GLI2: variants seen among roughly 807,000 people sequenced by gnomAD.
The protein encoded by GLI2 is transcription activator GLI2.
GLI2 carries 22 observed loss-of-function variants against 78.9 expected under a neutral mutation model. The observed-to-expected ratio is 0.28, with a 90% CI of 0.20 to 0.40. GLI2 has a LOEUF of 0.40. GLI2 is among the 10% of genes least tolerant of loss of function. The pLI, the probability that GLI2 is intolerant of heterozygous loss-of-function variation, is 1.00. For missense variants in GLI2, 2,097 were observed against 2,213.2 expected (o/e 0.95, Z 1.05); for synonymous variants, 974 against 963.7 (o/e 1.01, Z -0.20).
In GLI2 at chr2:120,968,475, A is replaced by T. The variant is rs534166800; in HGVS notation, c.644-239A>T. Reference sequence around the variant, plus strand: ...TCAGTGCTCATATTCACTCGCCCAAACACCTTACATGCACTTCTCCAGTCC... The same window carrying T: ...TCAGTGCTCATATTCACTCGCCCAATCACCTTACATGCACTTCTCCAGTCC... On this transcript the variant is annotated intron_variant, in intron 5 of 13. Transcript: ENST00000361492. 5.3e-5 allele frequency among the ~76,000 whole-genome samples: 8 copies of T among 152,288 alleles called. No homozygotes were observed. In the South Asian group the frequency reaches 1.7e-3, roughly 32 times the overall value.
At position 120,916,582 on chromosome 2, in the gene GLI2, C is replaced by T. The variant is rs1679110389; in HGVS notation, c.149-10779C>T. Reference sequence around the variant, plus strand: ...GCTCTCCAGCTGTGGCAGTGGCTTACACAGCAGCGCCCCGGGGCACTCCCT... The same window carrying T: ...GCTCTCCAGCTGTGGCAGTGGCTTATACAGCAGCGCCCCGGGGCACTCCCT... On this transcript the variant is annotated intron_variant, in intron 2 of 13. Coordinates refer to ENST00000361492, the MANE Select transcript of GLI2 (RefSeq NM_001374353.1). Among the ~76,000 whole-genome samples the T allele has an allele frequency of 3.3e-5, 5 of 152,256 alleles. No homozygotes were observed. The South Asian group carries it at 1.0e-3, about 32-fold the overall frequency.
At chr2:120,760,257 T>G (rs1683174123) in intron 1 of GLI2, among the ~76,000 whole-genome samples, 1 of 152,132 alleles carries the variant, frequency 6.6e-6, no homozygotes, top group South Asian at 2.1e-4. Flanking sequence ...TCTCGGAGGC[T>G]CTCCCTTTTT....
chr2:120,863,393 A>G (rs981007066), intron 2 of GLI2, among the ~76,000 whole-genome samples: 4 of 152,194 alleles, frequency 2.6e-5, no homozygotes, highest in African/African-American at 7.2e-5. Flanking sequence ...CTGTGATTGC[A>G]CAACCCCAGG....
intron 1 of GLI2, among the ~76,000 whole-genome samples, chr2:120,791,671 TGA>T (rs1463025583): frequency 6.6e-6 from 1 of 152,234 alleles, no homozygotes; most frequent in East Asian, 1.9e-4. Context: ...TGTGCATGTG[TGA>T]GTGTTCATGT....
rs78195571 is a variant in GLI2 at position 120,921,725 on chromosome 2, G to A, written c.149-5636G>A. Among the ~76,000 whole-genome samples, 1,122 of 152,292 alleles carry A rather than the reference G, an allele frequency of 7.4e-3. 15 individuals carry two copies. Among genetic ancestry groups the A allele is most frequent in the African/African-American group, 0.026 (1,073 of 41,562 alleles). On this transcript the variant is annotated intron_variant, in intron 2 of 13. Transcript: ENST00000361492. ...TACAGCATTTCCAAAAGTTGTATCAGAGCAGGTGACTGCCTGCTCAGGACT... is the reference window on the plus strand; with the variant it reads ...TACAGCATTTCCAAAAGTTGTATCAAAGCAGGTGACTGCCTGCTCAGGACT...
At chr2:120,951,832 C>G (rs1247036509) in intron 4 of GLI2, 1 of 172,350 alleles carries the variant, frequency 5.8e-6, no homozygotes, top group Non-Finnish European at 1.2e-5. Context: ...CTGCTGCCTG[C>G]GTCTCTGTTG....
At chr2:120,813,821 C>T (rs548456766) in intron 2 of GLI2, among the ~76,000 whole-genome samples, 3 of 152,324 alleles carry the variant, frequency 2.0e-5, no homozygotes, top group African/African-American at 7.2e-5. Context: ...GAAGTCTGTG[C>T]CCCTGATTTG....
rs1682382994 is a variant in GLI2, at chr2:120,974,986, T to C, written c.1194T>C (p.Ala398=). Residue 398 remains alanine, a synonymous_variant, in exon 9 of 14, where the codon GCT becomes GCC. Transcript: ENST00000361492. ...SPLALTQEQL[A]DLKEDLDRDD... is the part of the protein sequence containing the mutation. ...TTCCCCTCTCCCAGGAGCAGCTGGCTGACCTCAAGGAAGATCTGGACAGGG... is the reference window on the plus strand; with the variant it reads ...TTCCCCTCTCCCAGGAGCAGCTGGCCGACCTCAAGGAAGATCTGGACAGGG... 1 of 1,614,170 alleles carries C rather than the reference T, an allele frequency of 6.2e-7. No individual in the cohort carries two copies. The highest frequency in any genetic ancestry group is 2.2e-5 in the East Asian group (1 of 44,888).
At chr2:120,846,113 T>C (rs148933905) in intron 2 of GLI2, among the ~76,000 whole-genome samples, 189 of 152,198 alleles carry the variant, frequency 1.2e-3, no homozygotes, top group Non-Finnish European at 2.0e-3. Context: ...ATTTGTGGAG[T>C]GGGCCTGGTT....
intron 9 of GLI2, among the ~76,000 whole-genome samples, chr2:120,977,161 G>A (rs776418218): frequency 1.3e-5 from 2 of 152,198 alleles, no homozygotes; most frequent in Non-Finnish European, 1.5e-5. Context: ...AGTGCCTGAT[G>A]CTTGGCTCTT....
At chr2:120,843,038 G>A (rs1395019587) in intron 2 of GLI2, among the ~76,000 whole-genome samples, 1 of 152,164 alleles carries the variant, frequency 6.6e-6, no homozygotes, top group Non-Finnish European at 1.5e-5. Context: ...AAAATAATAT[G>A]AGCATCACAT....
chr2:120,960,187 C>A (rs1681478250), intron 5 of GLI2, among the ~76,000 whole-genome samples: 1 of 152,220 alleles, frequency 6.6e-6, no homozygotes, highest in African/African-American at 2.4e-5. Context: ...TGCCTGAGCT[C>A]CAGCGCAGCC....
chr2:120,808,173 G>C (rs978220726), intron 2 of GLI2, among the ~76,000 whole-genome samples: 31 of 152,170 alleles, frequency 2.0e-4, no homozygotes, highest in Non-Finnish European at 3.8e-4. Flanking sequence ...CCGGGCAGTG[G>C]ACACCGCTTT....
intron 1 of GLI2, among the ~76,000 whole-genome samples, chr2:120,784,294 C>T (rs1232868116): frequency 6.6e-6 from 1 of 152,216 alleles, no homozygotes. Flanking sequence ...CATGTGGGAG[C>T]ACCAGGCCCT....
chr2:120,756,381 T>C (rs1380390257), intron 1 of GLI2, among the ~76,000 whole-genome samples: 1 of 152,200 alleles, frequency 6.6e-6, no homozygotes, highest in Non-Finnish European at 1.5e-5. Flanking sequence ...ATATAATTGG[T>C]TTATTTATAT....
chr2:120,847,281 G>A (rs1046067293), intron 2 of GLI2, among the ~76,000 whole-genome samples: 1 of 151,962 alleles, frequency 6.6e-6, no homozygotes, highest in South Asian at 2.1e-4. Flanking sequence ...TTTAATAATC[G>A]GAAGAAAATA....
chr2:120,740,338 C>A (rs1480909458), intron 1 of GLI2, among the ~76,000 whole-genome samples: 1 of 151,902 alleles, frequency 6.6e-6, no homozygotes, highest in African/African-American at 2.4e-5. Flanking sequence ...GAAAGTAACT[C>A]ATTTAAGATG....
At chr2:120,826,671 T>C (rs1424758116) in intron 2 of GLI2, among the ~76,000 whole-genome samples, 2 of 152,230 alleles carry the variant, frequency 1.3e-5, no homozygotes, top group Non-Finnish European at 2.9e-5. Flanking sequence ...TCAGAGAGCA[T>C]GTACTCTGCG....
intron 2 of GLI2, among the ~76,000 whole-genome samples, chr2:120,868,801 T>C (rs1362234886): frequency 6.6e-6 from 1 of 152,116 alleles, no homozygotes; most frequent in Non-Finnish European, 1.5e-5. Flanking sequence ...GACCCTTCTG[T>C]GCATTTTGTG....
Sources: allele counts gnomAD v4.1 joint callset (sites outside exome capture counted in the v4.1 genomes callset), GRCh38; gene constraint gnomAD v4.1.1; transcripts MANE v1.5; gene names NCBI Gene and HGNC (gene_info 2026-07-23, HGNC 2026-07-21).